The following HOOK2 variants were observed in gnomAD, a reference collection of about 807,000 sequenced individuals.
The protein encoded by HOOK2 is hook microtubule tethering protein 2.
A neutral mutation model predicts 111.9 loss-of-function variants in HOOK2; 108 were observed. The observed-to-expected ratio is 0.96, with a 90% CI of 0.83 to 1.13. The LOEUF is 1.13. Ranked by LOEUF, HOOK2 falls within the 50% of genes most tolerant of loss-of-function variation. The probability of loss-of-function intolerance (pLI) is 0.00; values close to 1 mark genes in which losing one functional copy is unlikely to be tolerated. For synonymous variants in HOOK2, 405 were observed against 394.3 expected, an observed-to-expected ratio of 1.03 and a Z score of -0.32; for missense variants, 978 against 951.3, an observed-to-expected ratio of 1.03 and a Z score of -0.37.
At position 12,772,989 on chromosome 19, in the gene HOOK2, C is replaced by T; in HGVS notation, c.255+5G>A. On this transcript the variant is annotated splice_donor_5th_base_variant and intron_variant, in intron 4 of 22. Transcript: ENST00000397668. ...AACCCCCTGAATCCCTTTACAGTTA[C>T]TCACATCCTGGGAGTACTCTACTAG... 1 of 1,614,192 alleles carries T rather than the reference C, an allele frequency of 6.2e-7. No individual in the cohort carries two copies. Among genetic ancestry groups the T allele is most frequent in the East Asian group, 2.2e-5 (1 of 44,870 alleles).
upstream of HOOK2, among the ~76,000 whole-genome samples, chr19:12,783,245 G>T (rs1968624726): frequency 1.3e-5 from 2 of 152,098 alleles, no homozygotes; most frequent in East Asian, 1.9e-4. Context: ...TCTCCGCGGG[G>T]AAGGCCTCCC....
At chr19:12,775,166 T>G in intron 1 of HOOK2, 1 of 983,918 alleles carries the variant, frequency 1.0e-6, no homozygotes, top group Non-Finnish European at 1.2e-6. Context: ...ACCAGGCCAA[T>G]TCACCTGTGT....
chr19:12,769,837 C>G (rs1057360175), intron 11 of HOOK2, 44 bp downstream of exon 11: 1 of 1,362,064 alleles, frequency 7.3e-7, no homozygotes, highest in Non-Finnish European at 9.4e-7. Flanking sequence ...GAGAGACTTG[C>G]TGCCAGGGGC....
chr19:12,771,985 T>G (rs1231906865), intron 7 of HOOK2: 21 of 566,494 alleles, frequency 3.7e-5, no homozygotes, highest in Non-Finnish European at 9.5e-6. Context: ...GTACAGGAAG[T>G]GGCTAGCACC....
upstream of HOOK2, among the ~76,000 whole-genome samples, chr19:12,781,741 G>A (rs1968604646): frequency 1.3e-5 from 2 of 152,090 alleles, no homozygotes; most frequent in Admixed American, 6.5e-5. Flanking sequence ...TATCTTATGT[G>A]TCTGTATGTA....
rs1002576810 is a variant in HOOK2, at chr19:12,765,386, C to G, written c.1640+304G>C. 16 of 586,174 alleles carry G rather than the reference C, an allele frequency of 2.7e-5. No homozygotes were observed. The Middle Eastern group carries it at 1.0e-3, about 38-fold the overall frequency. 36.3% of individuals were successfully genotyped at this position (586,174 alleles called of 1,614,324 possible). Reference sequence around the variant, plus strand: ...TTCCCTTGCTAGCTTCTTCTACTCTCAAGCACTCCATCCAGCAGCCAGGGA... The same window carrying G: ...TTCCCTTGCTAGCTTCTTCTACTCTGAAGCACTCCATCCAGCAGCCAGGGA... On this transcript the variant is annotated intron_variant, in intron 18 of 22. Coordinates refer to ENST00000397668, the MANE Select transcript of HOOK2 (RefSeq NM_013312.3).
intron 3 of HOOK2, among the ~76,000 whole-genome samples, chr19:12,785,763 T>G (rs1234689397): frequency 1.3e-5 from 2 of 152,196 alleles, no homozygotes; most frequent in Non-Finnish European, 2.9e-5. Context: ...CCCTGGACCT[T>G]GCCAAGGTTC....
rs1968263881 is a variant in HOOK2, at chr19:12,769,864, C to G, written c.1104+17G>C. On this transcript the variant is annotated intron_variant, in intron 11 of 22. Transcript: ENST00000397668. ...GCCAGGGGCGGGGCCCCGGCCCTAA[C>G]CCCGCCCCCGCCGCACCTGCCGCCG... The G allele has an allele frequency of 7.1e-7, 1 of 1,413,686 alleles. No homozygotes were observed. The highest frequency in any genetic ancestry group is 1.5e-5 in the African/African-American group (1 of 66,134). The allele number at this position is 1,413,686 out of a possible 1,614,324, so 87.6% of individuals were successfully genotyped here. A position where few individuals can be genotyped will look rare whatever the true frequency, so the allele number is the denominator to read the frequency against.
chr19:12,776,093 G>A (rs1481840551), upstream of HOOK2, among the ~76,000 whole-genome samples: 1 of 149,610 alleles, frequency 6.7e-6, no homozygotes, highest in Admixed American at 6.6e-5. Context: ...TAGCCAGGAT[G>A]GTCTCGATCT....
chr19:12,764,767 GTAAGAAGCCAGGGCAGGCAACTT>G, intron 20 of HOOK2, 24 bp downstream of exon 20: 3 of 1,553,340 alleles, frequency 1.9e-6, no homozygotes, highest in Non-Finnish European at 2.7e-6. Flanking sequence ...GGCACAAAAA[GTAAGAAGCCAGGGCAGGCAACTT>G]GTGGGAACAC....
Position 12,791,717 on chromosome 19 carries a change from G to A in HOOK2, n.42-17492C>T. ...AGCGGAGAGCTCGCCGCTCGCTGCA[G>A]CGAGGCCCGGAGCGGCCCCGCAGGG... On this transcript the variant is annotated intron_variant and non_coding_transcript_variant, in intron 3 of 3. Coordinates refer to the HOOK2 transcript ENST00000589765. The surrounding 1 kb of genome is among the most constrained non-coding windows in gnomAD (Gnocchi z 7.0). The A allele has an allele frequency of 7.4e-7, 1 of 1,349,416 alleles. No individual in the cohort carries two copies. Among genetic ancestry groups the A allele is most frequent in the Admixed American group, 2.4e-5 (1 of 42,302 alleles). 83.6% of individuals were successfully genotyped at this position (1,349,416 alleles called of 1,614,324 possible).
At position 12,790,591 on chromosome 19, in the gene HOOK2, A is replaced by G. The variant is rs1411095777; in HGVS notation, n.42-16366T>C. Among the ~76,000 whole-genome samples the G allele has an allele frequency of 2.6e-5, 4 of 152,260 alleles. No individual in the cohort carries two copies. The East Asian group carries it at 5.8e-4, about 22-fold the overall frequency. Reference sequence around the variant, plus strand: ...GGGACCCTCAAGGCCCCCTCCTCACATGTCAACTGAGTACCCTCTTATTGT... The same window carrying G: ...GGGACCCTCAAGGCCCCCTCCTCACGTGTCAACTGAGTACCCTCTTATTGT... On this transcript the variant is annotated intron_variant and non_coding_transcript_variant, in intron 3 of 3. Coordinates refer to the HOOK2 transcript ENST00000589765. The surrounding 1 kb of genome is among the most constrained non-coding windows in gnomAD (Gnocchi z 7.2).
At chr19:12,792,198 C>A in intron 3 of HOOK2, 1 of 1,572,904 alleles carries the variant, frequency 6.4e-7, no homozygotes, top group Non-Finnish European at 8.6e-7. Flanking sequence ...TGTCAAAGCC[C>A]TGGACGATCT....
At chr19:12,779,195 T>C (rs1204210618), upstream of HOOK2, among the ~76,000 whole-genome samples, 21 of 152,082 alleles carry the variant, frequency 1.4e-4, no homozygotes, top group Non-Finnish European at 4.4e-5. Context: ...GGGCCCAGCC[T>C]AGGTTGTACT....
upstream of HOOK2, among the ~76,000 whole-genome samples, chr19:12,780,401 G>A (rs1968587797): frequency 5.3e-5 from 8 of 151,798 alleles, no homozygotes; most frequent in South Asian, 1.7e-3. Flanking sequence ...CTGTCACCCA[G>A]GCTGGAGTGC....
chr19:12,764,708 T>G (rs1259375397), intron 20 of HOOK2, 106 bp downstream of exon 20: 2 of 855,026 alleles, frequency 2.3e-6, no homozygotes. Flanking sequence ...GTATGACAGG[T>G]ATGAGTTGGG....
Position 12,791,944 on chromosome 19 carries a change from C to A in HOOK2, n.42-17719G>T, listed in dbSNP as rs917127281. 1.2e-6 allele frequency: 2 copies of A among 1,611,498 alleles called. No individual in the cohort carries two copies. Among genetic ancestry groups the A allele is most frequent in the Non-Finnish European group, 8.5e-7 (1 of 1,179,478 alleles). Reference sequence around the variant, plus strand: ...CTCAAAGCGCCTGGGGCTCGCGGACCCGGCCCAGAGGGCGGCGGTGGCGGC... The same window carrying A: ...CTCAAAGCGCCTGGGGCTCGCGGACACGGCCCAGAGGGCGGCGGTGGCGGC... On this transcript the variant is annotated intron_variant and non_coding_transcript_variant, in intron 3 of 3. Coordinates refer to the HOOK2 transcript ENST00000589765. The surrounding 1 kb of genome is among the most constrained non-coding windows in gnomAD (Gnocchi z 7.0).
chr19:12,779,045 A>G (rs1968569631), upstream of HOOK2, among the ~76,000 whole-genome samples: 1 of 152,176 alleles, frequency 6.6e-6, no homozygotes, highest in Non-Finnish European at 1.5e-5. Flanking sequence ...TGTTTTAGGT[A>G]AAGAGAGCCC....
In HOOK2 at chr19:12,763,127, T is replaced by TGCCCCCCCCCCCC; in HGVS notation, c.*154_*155insGGGGGGGGGGGGC. The TGCCCCCCCCCCCC allele has an allele frequency of 1.6e-6, 1 of 618,240 alleles. No individual in the cohort carries two copies. The highest frequency in any genetic ancestry group is 2.8e-6 in the Non-Finnish European group (1 of 355,752). The allele number at this position is 618,240 out of a possible 1,614,324, so 38.3% of individuals were successfully genotyped here. ...TAAAAAGAACAGGCCTATATCTACC[T>TGCCCCCCCCCCCC]CCCGCCCTCCCTCCCCACCAATCTG... On this transcript the variant is annotated 3_prime_UTR_variant, in exon 23 of 23. Coordinates refer to ENST00000397668, the MANE Select transcript of HOOK2 (RefSeq NM_013312.3).
Sources: gnomAD v4.1 joint callset for allele counts (sites outside exome capture counted in the v4.1 genomes callset) on GRCh38, gnomAD v4.1.1 for gene constraint, Gnocchi (gnomAD v3.1) non-coding constraint, MANE v1.5 for transcripts, NCBI Gene and HGNC (gene_info 2026-07-23, HGNC 2026-07-21) for gene names.